The following TBCK variants were observed in gnomAD, a reference collection of about 807,000 sequenced individuals.
The protein encoded by TBCK is TBC1 domain containing kinase.
Under a neutral mutation model 113.4 loss-of-function variants are expected in TBCK, and 99 were observed. That is an observed-to-expected ratio of 0.87 (90% CI 0.74 to 1.03). TBCK has a LOEUF of 1.03. Ranked by LOEUF, TBCK falls within the 50% of genes least tolerant of loss-of-function variation. The probability of loss-of-function intolerance (pLI) is 0.00; values close to 1 mark genes in which losing one functional copy is unlikely to be tolerated. For missense variants in TBCK, 1,045 were observed against 1,061.3 expected (o/e 0.98, Z 0.21); for synonymous variants, 369 against 370.8 (o/e 1.00, Z 0.05).
intron 23 of TBCK, among the ~76,000 whole-genome samples, chr4:106,143,925 A>AG (rs1747451062): frequency 6.6e-6 from 1 of 152,044 alleles, no homozygotes; most frequent in African/African-American, 2.4e-5. Flanking sequence ...AAAAAAAAAA[A>AG]AAAAAGTAAA....
intron 22 of TBCK, among the ~76,000 whole-genome samples, chr4:106,186,760 T>C (rs563543953): frequency 1.3e-5 from 2 of 152,114 alleles, no homozygotes; most frequent in African/African-American, 4.8e-5. Context: ...TCAATTTTTG[T>C]TTCTGTTGCA....
At chr4:106,268,853 A>G (rs1442193743) in intron 3 of TBCK, among the ~76,000 whole-genome samples, 1 of 152,152 alleles carries the variant, frequency 6.6e-6, no homozygotes, top group Non-Finnish European at 1.5e-5. Context: ...AGAGAATGAG[A>G]GGTCAAGGTT....
chr4:106,069,741 G>C (rs1483632793), intron 25 of TBCK, among the ~76,000 whole-genome samples: 1 of 152,276 alleles, frequency 6.6e-6, no homozygotes, highest in Middle Eastern at 3.4e-3. Flanking sequence ...GGGCAGTATG[G>C]CCATTTTCAC....
chr4:106,118,634 C>G (rs1469995495), intron 23 of TBCK, among the ~76,000 whole-genome samples: 1 of 152,122 alleles, frequency 6.6e-6, no homozygotes, highest in Non-Finnish European at 1.5e-5. Context: ...AAATAAAGAA[C>G]TTTTTGATTA....
At chr4:106,266,323 G>T (rs1156857426) in intron 3 of TBCK, among the ~76,000 whole-genome samples, 1 of 151,588 alleles carries the variant, frequency 6.6e-6, no homozygotes, top group Non-Finnish European at 1.5e-5. Flanking sequence ...TCTTGTTCTT[G>T]TCTGTTTCTC....
intron 25 of TBCK, among the ~76,000 whole-genome samples, chr4:106,083,050 T>C (rs1193419714): frequency 2.6e-5 from 4 of 152,254 alleles, no homozygotes; most frequent in African/African-American, 9.6e-5. Flanking sequence ...AGCTGGAATC[T>C]GCTTAAGCCC....
chr4:106,107,602 C>G (rs1298380707), intron 24 of TBCK, among the ~76,000 whole-genome samples: 1 of 152,110 alleles, frequency 6.6e-6, no homozygotes, highest in Non-Finnish European at 1.5e-5. Context: ...AAAGATACAA[C>G]ATACCAGAAT....
intron 23 of TBCK, among the ~76,000 whole-genome samples, chr4:106,131,623 A>G (rs943473612): frequency 1.3e-5 from 2 of 152,234 alleles, no homozygotes; most frequent in Admixed American, 1.3e-4. Context: ...CAAAAAATAA[A>G]TAAATAAAAA....
chr4:106,245,902 C>T (rs529339479), intron 10 of TBCK, among the ~76,000 whole-genome samples: 6 of 152,168 alleles, frequency 3.9e-5, no homozygotes, highest in Middle Eastern at 3.4e-3. Flanking sequence ...CATTAGCCAA[C>T]TCTAGTTCAC....
At chr4:106,220,625 A>G (rs958033045) in intron 19 of TBCK, among the ~76,000 whole-genome samples, 13 of 152,044 alleles carry the variant, frequency 8.6e-5, no homozygotes, top group Admixed American at 7.2e-4. Context: ...AAAAAAAAAG[A>G]TACTCAAGTA....
At chr4:106,218,424 G>GTCC (rs1757251851) in intron 19 of TBCK, among the ~76,000 whole-genome samples, 1 of 148,048 alleles carries the variant, frequency 6.8e-6, no homozygotes. Flanking sequence ...CCATCAGAGT[G>GTCC]AACAGGCAAC....
chr4:106,116,413 A>C (rs1743514529), intron 23 of TBCK, 35 bp from the exon 24 acceptor site: 2 of 1,549,586 alleles, frequency 1.3e-6, no homozygotes, highest in Non-Finnish European at 1.8e-6. Flanking sequence ...AAATATTGAG[A>C]ATATTATAGA....
At chr4:106,113,807 C>T (rs1743149437) in intron 24 of TBCK, among the ~76,000 whole-genome samples, 2 of 152,178 alleles carry the variant, frequency 1.3e-5, no homozygotes, top group Admixed American at 1.3e-4. Flanking sequence ...AATTCTTTCA[C>T]TTTACCTGCA....
At chr4:106,052,032 C>T (rs1375312826) in intron 25 of TBCK, among the ~76,000 whole-genome samples, 1 of 151,712 alleles carries the variant, frequency 6.6e-6, no homozygotes, top group Non-Finnish European at 1.5e-5. Flanking sequence ...ATTGTGTTCC[C>T]CCATACTGAG....
intron 20 of TBCK, among the ~76,000 whole-genome samples, chr4:106,209,246 T>C (rs1438734411): frequency 1.3e-5 from 2 of 152,080 alleles, no homozygotes; most frequent in Non-Finnish European, 2.9e-5. Flanking sequence ...ATAAATATAT[T>C]ATGTCACAAT....
intron 25 of TBCK, among the ~76,000 whole-genome samples, chr4:106,078,553 G>A (rs938244618): frequency 6.6e-6 from 1 of 151,974 alleles, no homozygotes; most frequent in African/African-American, 2.4e-5. Context: ...TAAATTCCTG[G>A]AAACACATAG....
At chr4:106,238,013 T>C (rs1759668920) in intron 12 of TBCK, among the ~76,000 whole-genome samples, 5 of 152,030 alleles carry the variant, frequency 3.3e-5, no homozygotes, top group African/African-American at 1.2e-4. Flanking sequence ...TTCAGCAAAT[T>C]AATATTTCTT....
At chr4:106,088,837 C>A (rs531376570) in intron 25 of TBCK, among the ~76,000 whole-genome samples, 1 of 152,200 alleles carries the variant, frequency 6.6e-6, no homozygotes, top group Admixed American at 6.5e-5. Context: ...AGCAGAAAAC[C>A]AAACACCGCA....
intron 25 of TBCK, among the ~76,000 whole-genome samples, chr4:106,083,001 C>T (rs1044807121): frequency 3.3e-5 from 5 of 152,226 alleles, no homozygotes; most frequent in Non-Finnish European, 5.9e-5. Context: ...CAGGGCCTAG[C>T]GTCCCAACCC....
Sources: gnomAD v4.1 joint callset for allele counts (sites outside exome capture counted in the v4.1 genomes callset) on GRCh38, gnomAD v4.1.1 for gene constraint, MANE v1.5 for transcripts, NCBI Gene and HGNC (gene_info 2026-07-23, HGNC 2026-07-21) for gene names.